CTNNA3: variants seen among roughly 807,000 people sequenced by gnomAD.
CTNNA3 encodes catenin alpha-3.
In CTNNA3, 76 loss-of-function variants were observed where a neutral mutation model predicts 95.7. The observed-to-expected ratio is 0.79, with a 90% CI of 0.66 to 0.96. CTNNA3 has a LOEUF of 0.96. Ranked by LOEUF, CTNNA3 falls within the 40% of genes least tolerant of loss-of-function variation. CTNNA3 has a pLI of 0.00. For synonymous variants in CTNNA3, 431 were observed against 374.4 expected (o/e 1.15, Z -1.74); for missense variants, 1,191 against 1,089.8 (o/e 1.09, Z -1.31).
intron 5 of CTNNA3, among the ~76,000 whole-genome samples, chr10:67,493,354 A>G (rs13376973): frequency 0.072 from 10,928 of 152,046 alleles, 478 homozygotes; most frequent in South Asian, 0.14. Flanking sequence ...GAGGTCAGGG[A>G]ATCGAGACCA....
chr10:67,710,281 T>C (rs2133610381), intron 1 of CTNNA3, among the ~76,000 whole-genome samples: 1 of 152,166 alleles, frequency 6.6e-6, no homozygotes, highest in South Asian at 2.1e-4. Context: ...TTCAGATTTC[T>C]AGGAATGCAC....
rs1261079301 is a variant in CTNNA3, at chr10:66,953,807, G to A, written c.1048-178283C>T. Among the ~76,000 whole-genome samples the A allele has an allele frequency of 3.3e-5, 5 of 151,932 alleles. No homozygotes were observed. In the East Asian group the frequency reaches 9.6e-4, roughly 29 times the overall value. ...TTATTTTTTTAAAAATTAGCCCAAG[G>A]CTTTGTAGGCCAGGTTCTAGAGACA... On this transcript the variant is annotated intron_variant, in intron 7 of 17. Coordinates refer to ENST00000433211, the MANE Select transcript of CTNNA3 (RefSeq NM_013266.4).
At chr10:67,518,021 A>G (rs1419447194) in intron 5 of CTNNA3, among the ~76,000 whole-genome samples, 1 of 152,162 alleles carries the variant, frequency 6.6e-6, no homozygotes, top group Non-Finnish European at 1.5e-5. Flanking sequence ...AGTCCTTTAT[A>G]CATATTTCAT....
chr10:66,417,567 A>G (rs1279641845), intron 11 of CTNNA3, among the ~76,000 whole-genome samples: 3 of 152,034 alleles, frequency 2.0e-5, no homozygotes, highest in Non-Finnish European at 4.4e-5. Flanking sequence ...CAACAACTGC[A>G]GAATACACAT....
intron 5 of CTNNA3, among the ~76,000 whole-genome samples, chr10:67,339,469 A>G (rs1357028277): frequency 2.6e-5 from 4 of 152,170 alleles, no homozygotes. Context: ...GGCAAACTCA[A>G]AAGCCTACAA....
chr10:66,198,247 CTT>C (rs1220597794), intron 13 of CTNNA3, among the ~76,000 whole-genome samples: 5 of 152,046 alleles, frequency 3.3e-5, no homozygotes, highest in African/African-American at 7.2e-5. Context: ...ATTCTATTCT[CTT>C]GTGTTGATAT....
intron 9 of CTNNA3, among the ~76,000 whole-genome samples, chr10:66,622,842 A>G (rs1281746318): frequency 1.3e-5 from 2 of 152,146 alleles, no homozygotes; most frequent in East Asian, 1.9e-4. Context: ...GTACCACAAA[A>G]TGTTATTTAA....
At chr10:66,413,102 T>C (rs1453844231) in intron 11 of CTNNA3, among the ~76,000 whole-genome samples, 1 of 152,162 alleles carries the variant, frequency 6.6e-6, no homozygotes, top group African/African-American at 2.4e-5. Context: ...GAGTACTCTA[T>C]CTTGTAAATG....
rs565280015 is a variant in CTNNA3, at chr10:67,314,507, A to C, written c.580-94637T>G. 3.9e-5 allele frequency among the ~76,000 whole-genome samples: 6 copies of C among 152,352 alleles called. No homozygotes were observed. The South Asian group carries it at 1.2e-3, about 32-fold the overall frequency. On this transcript the variant is annotated intron_variant, in intron 5 of 17. Coordinates refer to ENST00000433211, the MANE Select transcript of CTNNA3 (RefSeq NM_013266.4). ...ATTTAACTATGAAAATAATACAAGT[A>C]AATTGTAATATCAAACAATACAGAG...
Position 65,913,876 on chromosome 10 carries a change from G to C in CTNNA3, c.*6454C>G, listed in dbSNP as rs1030431481. 1 of 152,064 alleles carries C rather than the reference G, an allele frequency of 6.6e-6. No homozygotes were observed. Among genetic ancestry groups the C allele is most frequent in the Admixed American group, 6.6e-5 (1 of 15,262 alleles). The allele number at this position is 152,064 out of a possible 1,614,324, so 9.4% of individuals were successfully genotyped here. Reference sequence around the variant, plus strand: ...TAATTTACACAGATGGGGAACTGATGTGACATACCTAAGGTTGGCCTGAGT... The same window carrying C: ...TAATTTACACAGATGGGGAACTGATCTGACATACCTAAGGTTGGCCTGAGT... On this transcript the variant is annotated 3_prime_UTR_variant, in exon 18 of 18. Coordinates refer to ENST00000433211, the MANE Select transcript of CTNNA3 (RefSeq NM_013266.4).
intron 7 of CTNNA3, among the ~76,000 whole-genome samples, chr10:66,789,860 T>A (rs948178975): frequency 6.6e-6 from 1 of 152,140 alleles, no homozygotes; most frequent in Non-Finnish European, 1.5e-5. Context: ...GGCAGCAAGA[T>A]AGGATCTATT....
intron 10 of CTNNA3, among the ~76,000 whole-genome samples, chr10:66,555,559 C>G (rs1842365040): frequency 6.6e-6 from 1 of 152,034 alleles, no homozygotes. Context: ...ACTGGACTAC[C>G]TCCTGATTTC....
chr10:66,799,931 AG>A (rs990931607), intron 7 of CTNNA3, among the ~76,000 whole-genome samples: 5 of 151,404 alleles, frequency 3.3e-5, no homozygotes, highest in African/African-American at 1.2e-4. Context: ...AAGTACTTAA[AG>A]AAAAAAAAAA....
Position 66,743,714 on chromosome 10 carries a change from A to G in CTNNA3, c.1281+22550T>C, listed in dbSNP as rs1421571439. On this transcript the variant is annotated intron_variant, in intron 9 of 17. Coordinates refer to ENST00000433211, the MANE Select transcript of CTNNA3 (RefSeq NM_013266.4). The stretch of plus-strand genomic sequence containing the variant: ...AGGAGGAGGTCGGGTGTGGTGGCTC[A>G]TGACTGTAATCCCAGCACTTTGGAA... Among the ~76,000 whole-genome samples the G allele has an allele frequency of 2.6e-5, 4 of 152,264 alleles. No homozygotes were observed. The East Asian group carries it at 5.8e-4, about 22-fold the overall frequency.
chr10:66,560,944 T>A (rs528667680), intron 10 of CTNNA3, among the ~76,000 whole-genome samples: 121 of 152,150 alleles, frequency 8.0e-4, no homozygotes, highest in African/African-American at 2.7e-3. Context: ...TCTTGAGACA[T>A]TGGATCTACC....
chr10:65,964,218 T>C (rs2077910889), intron 17 of CTNNA3, among the ~76,000 whole-genome samples: 1 of 152,158 alleles, frequency 6.6e-6, no homozygotes, highest in African/African-American at 2.4e-5. Flanking sequence ...CACTGAGAGA[T>C]TAAAGTAAGT....
At chr10:66,593,508 T>A (rs1192571383) in intron 10 of CTNNA3, among the ~76,000 whole-genome samples, 1 of 152,084 alleles carries the variant, frequency 6.6e-6, no homozygotes. Context: ...CCTCAATATT[T>A]GCATTTCTAA....
chr10:67,076,495 C>A (rs1407664139), intron 7 of CTNNA3, among the ~76,000 whole-genome samples: 1 of 152,168 alleles, frequency 6.6e-6, no homozygotes, highest in Non-Finnish European at 1.5e-5. Flanking sequence ...TTCCAGGACT[C>A]CATCAGAATG....
intron 11 of CTNNA3, among the ~76,000 whole-genome samples, chr10:66,388,799 A>C (rs939033547): frequency 6.6e-6 from 1 of 152,192 alleles, no homozygotes; most frequent in African/African-American, 2.4e-5. Flanking sequence ...CAAAATAATT[A>C]GAAAAGGTTC....
Sources: allele counts gnomAD v4.1 joint callset (sites outside exome capture counted in the v4.1 genomes callset), GRCh38; gene constraint gnomAD v4.1.1; transcripts MANE v1.5; gene names NCBI Gene and HGNC (gene_info 2026-07-23, HGNC 2026-07-21).